SYN3: variants seen among roughly 807,000 people sequenced by gnomAD.
The protein encoded by SYN3 is synapsin III, also known as synapsin-3.
A neutral mutation model predicts 65.8 loss-of-function variants in SYN3; 35 were observed. The ratio of observed to expected loss-of-function variants is 0.53; its 90% CI spans 0.41 to 0.70. The LOEUF (loss-of-function observed/expected upper bound fraction) is 0.70, where lower values mean the gene tolerates loss of function less well. SYN3 is among the 30% of genes least tolerant of loss of function. The pLI is 0.00. For synonymous variants in SYN3, 270 were observed against 292.9 expected (o/e 0.92, Z 0.80); for missense variants, 680 against 749.0 (o/e 0.91, Z 1.08).
chr22:32,882,711 TCAG>T (rs1197820704), intron 4 of SYN3, among the ~76,000 whole-genome samples: 1 of 146,774 alleles, frequency 6.8e-6, no homozygotes, highest in Non-Finnish European at 1.5e-5. Context: ...TTAAAATAGT[TCAG>T]AATTTTTTTT....
chr22:32,857,251 G>A (rs1206448756), intron 6 of SYN3: 2 of 1,612,982 alleles, frequency 1.2e-6, no homozygotes, highest in East Asian at 2.2e-5. Context: ...GCCCACAGAT[G>A]TACCGAGGCT....
chr22:32,899,449 A>G (rs892136036), intron 4 of SYN3, among the ~76,000 whole-genome samples: 1 of 152,182 alleles, frequency 6.6e-6, no homozygotes, highest in Non-Finnish European at 1.5e-5. Context: ...TAATCAAGTG[A>G]GACTTTCATA....
chr22:32,824,563 AT>A (rs965624258), intron 6 of SYN3, among the ~76,000 whole-genome samples: 7 of 152,138 alleles, frequency 4.6e-5, no homozygotes, highest in South Asian at 2.1e-4. Flanking sequence ...ATATGTATAT[AT>A]TTTTTGCATA....
At chr22:32,542,812 C>T (rs1378145170) in intron 7 of SYN3, among the ~76,000 whole-genome samples, 3 of 151,766 alleles carry the variant, frequency 2.0e-5, no homozygotes, top group African/African-American at 4.8e-5. Flanking sequence ...GCGCAGAGGA[C>T]GAGGCCAAGG....
chr22:32,913,227 C>T (rs1004813934), intron 4 of SYN3, among the ~76,000 whole-genome samples: 3 of 151,370 alleles, frequency 2.0e-5, no homozygotes, highest in Non-Finnish European at 4.4e-5. Flanking sequence ...GTGGCACAAT[C>T]TCAGCTCACT....
At chr22:32,949,163 A>T (rs773329454) in intron 3 of SYN3, among the ~76,000 whole-genome samples, 2 of 152,144 alleles carry the variant, frequency 1.3e-5, no homozygotes, top group Non-Finnish European at 2.9e-5. Context: ...ATTTAATCCC[A>T]GTATCTTGGG....
intron 3 of SYN3, 147 bp from the exon 4 acceptor site, chr22:32,931,628 C>T (rs936982731): frequency 3.3e-6 from 2 of 612,092 alleles, no homozygotes; most frequent in Non-Finnish European, 2.9e-6. Context: ...TTTCATCTTT[C>T]TTTTTGAAAG....
intron 2 of SYN3, among the ~76,000 whole-genome samples, chr22:32,999,996 G>A (rs1569394510): frequency 6.6e-6 from 1 of 152,166 alleles, no homozygotes; most frequent in Non-Finnish European, 1.5e-5. Flanking sequence ...GATAAGCAGT[G>A]GAGTGGCAGT....
rs78557884 is a variant in SYN3, at chr22:32,869,207, T to C, written c.462-82A>G. 4.8e-3 allele frequency: 7,211 copies of C among 1,497,838 alleles called. 48 individuals carry two copies. Among genetic ancestry groups the C allele is most frequent in the East Asian group, 0.027 (1,162 of 42,948 alleles). 92.8% of individuals were successfully genotyped at this position (1,497,838 alleles called of 1,614,324 possible). The stretch of plus-strand genomic sequence containing the variant: ...TCCGGCCACAGCTTGCTGGGGATGA[T>C]AGCACTGACTTGCAGGGCGGCAGCT... On this transcript the variant is annotated intron_variant, in intron 4 of 13. Transcript: ENST00000358763.
intron 6 of SYN3, among the ~76,000 whole-genome samples, chr22:32,724,243 CTGTTTTGTTTTGTTT>C (rs10533121): frequency 1.3e-4 from 19 of 151,432 alleles, no homozygotes; most frequent in African/African-American, 3.4e-4. Flanking sequence ...GGGTACTTTT[CTGTTTTGTTTTGTTT>C]TGTTTTGTTT....
At chr22:33,009,828 A>G (rs2053306561) in intron 1 of SYN3, among the ~76,000 whole-genome samples, 2 of 151,692 alleles carry the variant, frequency 1.3e-5, no homozygotes, top group Middle Eastern at 3.4e-3. Flanking sequence ...TAATATATAT[A>G]AAGTCTTATA....
At chr22:32,592,011 A>G (rs1415173555) in intron 7 of SYN3, among the ~76,000 whole-genome samples, 1 of 152,180 alleles carries the variant, frequency 6.6e-6, no homozygotes, top group African/African-American at 2.4e-5. Flanking sequence ...AGTGGCCCCC[A>G]AAGTTCAAGG....
intron 7 of SYN3, among the ~76,000 whole-genome samples, chr22:32,570,889 A>C (rs1431090104): frequency 6.6e-6 from 1 of 152,180 alleles, no homozygotes; most frequent in African/African-American, 2.4e-5. Context: ...GACACAAATG[A>C]ACATGGATAA....
chr22:32,718,575 C>G (rs1263608237), intron 6 of SYN3, among the ~76,000 whole-genome samples: 2 of 148,480 alleles, frequency 1.3e-5, no homozygotes, highest in Non-Finnish European at 1.5e-5. Flanking sequence ...TAGCCATAGA[C>G]TGTAACAATT....
At chr22:32,862,758 G>A (rs528951412) in intron 6 of SYN3, 1 of 152,598 alleles carries the variant, frequency 6.6e-6, no homozygotes, top group Non-Finnish European at 1.5e-5. Flanking sequence ...TTTTGCTTTG[G>A]GGGTAGAGGC....
At chr22:32,829,397 G>A (rs936318694) in intron 6 of SYN3, among the ~76,000 whole-genome samples, 7 of 152,218 alleles carry the variant, frequency 4.6e-5, no homozygotes, top group Non-Finnish European at 8.8e-5. Context: ...CTCCCAGTTG[G>A]CACTTCATTA....
At chr22:32,556,892 C>T (rs556570451) in intron 7 of SYN3, among the ~76,000 whole-genome samples, 13 of 140,352 alleles carry the variant, frequency 9.3e-5, no homozygotes, top group African/African-American at 3.6e-4. Context: ...CTCCTGGCCT[C>T]GAATGGTCCT....
At chr22:32,569,264 T>G (rs2058714450) in intron 7 of SYN3, among the ~76,000 whole-genome samples, 2 of 139,482 alleles carry the variant, frequency 1.4e-5, no homozygotes, top group Non-Finnish European at 3.2e-5. Context: ...AAAATCTATC[T>G]ATCTATCTAT....
At chr22:32,981,522 T>C (rs540536998) in intron 2 of SYN3, among the ~76,000 whole-genome samples, 2 of 151,974 alleles carry the variant, frequency 1.3e-5, no homozygotes, top group Admixed American at 6.5e-5. Flanking sequence ...AAGGCAGAAG[T>C]TGCGGTGAGC....
Sources: allele counts gnomAD v4.1 joint callset (sites outside exome capture counted in the v4.1 genomes callset), GRCh38; gene constraint gnomAD v4.1.1; transcripts MANE v1.5; gene names NCBI Gene and HGNC (gene_info 2026-07-23, HGNC 2026-07-21).